The following ITPA variants were observed in gnomAD, a reference collection of about 807,000 sequenced individuals.
The protein encoded by ITPA is inosine triphosphate pyrophosphatase.
Under a neutral mutation model 29.6 loss-of-function variants are expected in ITPA, and 29 were observed. The ratio of observed to expected loss-of-function variants is 0.98; its 90% confidence interval spans 0.73 to 1.34. The LOEUF is 1.34. ITPA is among the 40% of genes most tolerant of loss of function. The pLI is 0.00. For synonymous variants in ITPA, 103 were observed against 99.3 expected (o/e 1.04, Z -0.22); for missense variants, 241 against 251.5 (o/e 0.96, Z 0.28).
chr20:3,217,906 G>T (rs73081010), intron 5 of ITPA, among the ~76,000 whole-genome samples: 25,699 of 137,338 alleles, frequency 0.19, 2,417 homozygotes, highest in African/African-American at 0.23. Flanking sequence ...GTTTTTGTGG[G>T]TTTTTTTTTG....
upstream of ITPA, among the ~76,000 whole-genome samples, chr20:3,208,373 C>T (rs1219497764): frequency 6.6e-6 from 1 of 152,092 alleles, no homozygotes; most frequent in South Asian, 2.1e-4. Context: ...CAGTGGTTCC[C>T]ACACATTTTT....
chr20:3,209,336 G>A (rs6139031), upstream of ITPA: 137,275 of 636,140 alleles, frequency 0.22, 15,611 homozygotes, highest in Non-Finnish European at 0.24. The surrounding 1 kb of genome is among the most constrained non-coding windows in gnomAD (Gnocchi z 4.6). Context: ...GGGTCACTCA[G>A]TCTCCAGGCT....
chr20:3,213,505 C>A (rs1459781043), intron 3 of ITPA, 122 bp downstream of exon 3: 4 of 1,172,370 alleles, frequency 3.4e-6, no homozygotes, highest in Non-Finnish European at 5.0e-6. Flanking sequence ...GGCCCAGAGT[C>A]CTCTAGGGTT....
At chr20:3,211,581 C>T (rs147749485) in intron 1 of ITPA, among the ~76,000 whole-genome samples, 1 of 152,266 alleles carries the variant, frequency 6.6e-6, no homozygotes, top group African/African-American at 2.4e-5. Flanking sequence ...CAACCTCCGC[C>T]TCCTGGGTTC....
chr20:3,212,778 T>A (rs2067202365), intron 1 of ITPA, among the ~76,000 whole-genome samples: 1 of 152,218 alleles, frequency 6.6e-6, no homozygotes, highest in Admixed American at 6.5e-5. Flanking sequence ...AAAAAGTTAC[T>A]ACATTTCAAT....
rs941491368 is a variant in ITPA, at chr20:3,209,829, G to T, written c.66+212G>T. On this transcript the variant is annotated intron_variant, in intron 1 of 7. Transcript: ENST00000380113. The surrounding 1 kb of genome is among the most constrained non-coding windows in gnomAD (Gnocchi z 4.6). ...GGCGCCCCGGGGTTGGCGAGGGAAC[G>T]AGGGTCTCGACAGATCCCGACACAG... Among the ~76,000 whole-genome samples, 3 of 152,162 alleles carry T rather than the reference G, an allele frequency of 2.0e-5. No homozygotes were observed. Among genetic ancestry groups the T allele is most frequent in the African/African-American group, 7.2e-5 (3 of 41,434 alleles).
At chr20:3,222,060 G>A in intron 7 of ITPA, 143 bp downstream of exon 7, 1 of 810,634 alleles carries the variant, frequency 1.2e-6, no homozygotes, top group East Asian at 2.6e-5. Flanking sequence ...AGGCAGCTCT[G>A]CTGGGGTGGA....
Position 3,213,301 on chromosome 20 carries a change from G to T in ITPA, c.125-18G>T, listed in dbSNP as rs751721755. 4.3e-6 allele frequency: 7 copies of T among 1,614,162 alleles called. No homozygotes were observed. Among genetic ancestry groups the T allele is most frequent in the South Asian group, 1.1e-5 (1 of 91,084 alleles). On this transcript the variant is annotated intron_variant, in intron 2 of 7. Coordinates refer to ENST00000380113, the MANE Select transcript of ITPA (RefSeq NM_033453.4). ...CTTCCTGTGACCTGACTTTCTGTGT[G>T]TCTGTTTCCCTGATAAGTGCCGGAG...
intron 1 of ITPA, among the ~76,000 whole-genome samples, chr20:3,211,861 A>G (rs2067183355): frequency 6.6e-6 from 1 of 152,184 alleles, no homozygotes; most frequent in Non-Finnish European, 1.5e-5. Flanking sequence ...TTCTCAGGAA[A>G]ATAGTTTCAA....
chr20:3,226,896 C>T (rs1200365475), downstream of ITPA, among the ~76,000 whole-genome samples: 6 of 152,160 alleles, frequency 3.9e-5, no homozygotes, highest in Non-Finnish European at 8.8e-5. This position sits in a 1 kb window ranked among gnomAD's most constrained non-coding sequence, Gnocchi z 4.4. Context: ...AAACACTGCA[C>T]CTTCTCCCTC....
chr20:3,224,442 C>T (rs1457513122), downstream of ITPA, among the ~76,000 whole-genome samples: 1 of 152,196 alleles, frequency 6.6e-6, no homozygotes, highest in African/African-American at 2.4e-5. Context: ...GTGGGGCACC[C>T]CCAGGCTTGC....
intron 1 of ITPA, among the ~76,000 whole-genome samples, chr20:3,211,001 A>C (rs1274718380): frequency 6.6e-6 from 1 of 150,426 alleles, no homozygotes; most frequent in African/African-American, 2.4e-5. Flanking sequence ...CAGTGAGCTG[A>C]GATGACGCCA....
chr20:3,218,854 C>T (rs987198406), intron 6 of ITPA: 3 of 606,620 alleles, frequency 4.9e-6, no homozygotes, highest in Admixed American at 4.8e-5. Context: ...GTTGCCTACG[C>T]CTTGCTGAGG....
At chr20:3,208,740 T>G (rs2067108542), upstream of ITPA, 2 of 152,380 alleles carry the variant, frequency 1.3e-5, no homozygotes, top group Admixed American at 1.3e-4. Flanking sequence ...CTCCCTTTCT[T>G]GTCCATGGGC....
chr20:3,220,063 CAA>C (rs1222627216), intron 6 of ITPA, among the ~76,000 whole-genome samples: 1 of 56,984 alleles, frequency 1.8e-5, no homozygotes, highest in African/African-American at 7.7e-5. Context: ...AAAAAAAAAA[CAA>C]ACCTTAATTA....
Position 3,218,562 on chromosome 20 carries a change from C to A in ITPA, c.341C>A (p.Ala114Glu). 6.2e-7 allele frequency: 1 copy of A among 1,613,962 alleles called. No homozygotes were observed. Among genetic ancestry groups the A allele is most frequent in the South Asian group, 1.1e-5 (1 of 91,088 alleles). The change falls in exon 6 of 8, where the codon GCG becomes GAG. Residue 114 changes from alanine to glutamate, a missense_variant. Coordinates refer to ENST00000380113, the MANE Select transcript of ITPA (RefSeq NM_033453.4). ...LAGFEDKSAY[A>E]LCTFALSTGD... ...GGGTTCGAGGACAAGTCAGCCTATGCGCTCTGCACGTTTGCACTCAGCACC... is the reference window on the plus strand; with the variant it reads ...GGGTTCGAGGACAAGTCAGCCTATGAGCTCTGCACGTTTGCACTCAGCACC...
chr20:3,212,791 A>C (rs2067202563), intron 1 of ITPA, among the ~76,000 whole-genome samples: 1 of 152,178 alleles, frequency 6.6e-6, no homozygotes, highest in South Asian at 2.1e-4. Context: ...ATTTCAATTA[A>C]GGGTTACTAA....
chr20:3,204,467 G>A, upstream of ITPA: 3 of 1,461,818 alleles, frequency 2.1e-6, no homozygotes, highest in Non-Finnish European at 2.8e-6. Flanking sequence ...GCCGCGGCGC[G>A]ACGGTCCACA....
At chr20:3,209,442 G>C, upstream of ITPA, 1 of 1,060,098 alleles carries the variant, frequency 9.4e-7, no homozygotes, top group Non-Finnish European at 1.4e-6. The surrounding 1 kb of genome is among the most constrained non-coding windows in gnomAD (Gnocchi z 4.6). Flanking sequence ...GGCTTTCCCC[G>C]GGACCCCTGG....
Sources: allele counts gnomAD v4.1 joint callset (sites outside exome capture counted in the v4.1 genomes callset), GRCh38; gene constraint gnomAD v4.1.1; non-coding constraint Gnocchi (gnomAD v3.1); transcripts MANE v1.5; gene names NCBI Gene and HGNC (gene_info 2026-07-23, HGNC 2026-07-21).